Variants in SMOC1 observed in about 807,000 individuals in gnomAD.
SMOC1 encodes the protein SPARC-related modular calcium-binding protein 1.
A neutral mutation model predicts 56.3 loss-of-function variants in SMOC1; 22 were observed. The observed-to-expected ratio is 0.39, with a 90% CI of 0.28 to 0.56. SMOC1 has a LOEUF of 0.56. Among genes scored for constraint, SMOC1 ranks in the 20% least tolerant of loss-of-function variants. The pLI, the probability that SMOC1 is intolerant of heterozygous loss-of-function variation, is 0.61. For synonymous variants in SMOC1, 193 were observed against 215.0 expected (o/e 0.90, Z 0.89); for missense variants, 509 against 565.4 (o/e 0.90, Z 1.01).
intron 7 of SMOC1, among the ~76,000 whole-genome samples, chr14:69,995,969 C>A (rs531095417): frequency 6.6e-5 from 10 of 152,104 alleles, no homozygotes; most frequent in Admixed American, 1.3e-4. Context: ...TACCTGGTGC[C>A]GGAAGTAACA....
intron 3 of SMOC1, among the ~76,000 whole-genome samples, chr14:69,965,834 G>A (rs777649910): frequency 6.6e-6 from 1 of 152,238 alleles, no homozygotes; most frequent in Non-Finnish European, 1.5e-5. Flanking sequence ...CTTTCAGGCA[G>A]AGCCATTAAG....
intron 3 of SMOC1, among the ~76,000 whole-genome samples, chr14:69,959,576 C>T (rs990943105): frequency 6.6e-6 from 1 of 152,138 alleles, no homozygotes; most frequent in Non-Finnish European, 1.5e-5. Context: ...GTTGTATGGG[C>T]ACTACCACTT....
chr14:70,011,375 C>T, intron 8 of SMOC1, 110 bp from the exon 9 acceptor site: 2 of 1,047,314 alleles, frequency 1.9e-6, no homozygotes, highest in Non-Finnish European at 3.0e-6. Context: ...TTCTGCCCAC[C>T]CTCAGTGCTT....
At chr14:69,974,667 T>G (rs1453628203) in intron 3 of SMOC1, among the ~76,000 whole-genome samples, 1 of 150,636 alleles carries the variant, frequency 6.6e-6, no homozygotes, top group Non-Finnish European at 1.5e-5. Flanking sequence ...AGCAGGATAG[T>G]GGGGTGGGGC....
At chr14:69,887,819 A>G (rs767220481) in intron 1 of SMOC1, among the ~76,000 whole-genome samples, 2 of 152,184 alleles carry the variant, frequency 1.3e-5, no homozygotes, top group Admixed American at 1.3e-4. Context: ...GGAAGTGTTC[A>G]TGAGCTGATG....
At chr14:69,955,756 AT>A (rs1265542430) in intron 3 of SMOC1, among the ~76,000 whole-genome samples, 1 of 152,156 alleles carries the variant, frequency 6.6e-6, no homozygotes. Flanking sequence ...TCTTCCATCA[AT>A]TTTTTAAAAA....
At chr14:69,946,239 T>C (rs770235364) in intron 1 of SMOC1, among the ~76,000 whole-genome samples, 22 of 152,194 alleles carry the variant, frequency 1.4e-4, no homozygotes, top group Admixed American at 2.0e-4. Context: ...TAGTCTAAAA[T>C]TGATTTCATC....
Position 70,032,289 on chromosome 14 carries a change from T to C in SMOC1, c.*2031T>C, listed in dbSNP as rs185808601. 1 of 152,402 alleles carries C rather than the reference T, an allele frequency of 6.6e-6. No homozygotes were observed. Among genetic ancestry groups the C allele is most frequent in the East Asian group, 1.9e-4 (1 of 5,180 alleles). The allele number at this position is 152,402 out of a possible 1,614,324, so 9.4% of individuals were successfully genotyped here. A position where few individuals can be genotyped will look rare whatever the true frequency, so the allele number is the denominator to read the frequency against. ...AGGATCGTGTGTGTAGGTGGTGTTGTGTGGTTTTCCTTTGTGAAGGAGAGA... is the reference window on the plus strand; with the variant it reads ...AGGATCGTGTGTGTAGGTGGTGTTGCGTGGTTTTCCTTTGTGAAGGAGAGA... On this transcript the variant is annotated 3_prime_UTR_variant, in exon 12 of 12. Transcript: ENST00000361956.
At chr14:69,998,087 C>T (rs573436919) in intron 7 of SMOC1, among the ~76,000 whole-genome samples, 1 of 152,334 alleles carries the variant, frequency 6.6e-6, no homozygotes, top group Admixed American at 6.5e-5. Flanking sequence ...TAACATGACA[C>T]ATATGCCTAC....
intron 1 of SMOC1, among the ~76,000 whole-genome samples, chr14:69,881,474 G>A (rs1033301981): frequency 2.6e-5 from 4 of 152,050 alleles, no homozygotes; most frequent in African/African-American, 9.7e-5. Flanking sequence ...CAACCTTTAG[G>A]GGAAAGCTAG....
At chr14:69,894,589 A>G (rs2139310266) in intron 1 of SMOC1, among the ~76,000 whole-genome samples, 2 of 152,316 alleles carry the variant, frequency 1.3e-5, no homozygotes, top group Middle Eastern at 6.8e-3. Context: ...TGCTGGAGCA[A>G]CAACCACAGG....
intron 1 of SMOC1, among the ~76,000 whole-genome samples, chr14:69,896,073 G>A (rs1409013954): frequency 6.6e-6 from 1 of 151,990 alleles, no homozygotes; most frequent in East Asian, 1.9e-4. Flanking sequence ...TGAACTCTTG[G>A]GCTCAAGCAG....
At chr14:69,929,046 G>T (rs1885092740) in intron 1 of SMOC1, among the ~76,000 whole-genome samples, 1 of 152,154 alleles carries the variant, frequency 6.6e-6, no homozygotes, top group Non-Finnish European at 1.5e-5. Context: ...TCCAGGAGCT[G>T]GGAGTCTCCC....
rs531387556 is a variant in SMOC1, at chr14:70,019,539, C to T, written c.1047-3664C>T. Among the ~76,000 whole-genome samples the T allele has an allele frequency of 1.1e-4, 16 of 152,300 alleles. No homozygotes were observed. In the South Asian group the frequency reaches 3.3e-3, roughly 32 times the overall value. On this transcript the variant is annotated intron_variant, in intron 10 of 11. Transcript: ENST00000361956. Reference sequence around the variant, plus strand: ...GCCTGATGACCAGCTTTGAATTCGGCAGTCCTGACCTCCAGTGGAATATAT... The same window carrying T: ...GCCTGATGACCAGCTTTGAATTCGGTAGTCCTGACCTCCAGTGGAATATAT...
At chr14:69,997,341 T>A (rs1010179869) in intron 7 of SMOC1, among the ~76,000 whole-genome samples, 3 of 152,242 alleles carry the variant, frequency 2.0e-5, no homozygotes, top group African/African-American at 7.2e-5. Context: ...AAAAAGCATC[T>A]TGATGTTTGG....
intron 7 of SMOC1, among the ~76,000 whole-genome samples, chr14:70,005,400 A>AC (rs1885116007): frequency 1.3e-5 from 2 of 151,418 alleles, no homozygotes; most frequent in South Asian, 4.3e-4. Flanking sequence ...ATGTGAAAGA[A>AC]CCCGTGCCCT....
intron 5 of SMOC1, among the ~76,000 whole-genome samples, chr14:69,978,690 G>A (rs1884065199): frequency 6.6e-6 from 1 of 152,172 alleles, no homozygotes; most frequent in Non-Finnish European, 1.5e-5. Context: ...CCGTGACAAG[G>A]TAAGAGAGAG....
chr14:69,881,671 T>C (rs898448308), intron 1 of SMOC1, among the ~76,000 whole-genome samples: 1 of 151,656 alleles, frequency 6.6e-6, no homozygotes, highest in African/African-American at 2.4e-5. Context: ...AATACATACA[T>C]GCACAAACAC....
chr14:69,940,423 A>G (rs1882507431), intron 1 of SMOC1, among the ~76,000 whole-genome samples: 1 of 152,230 alleles, frequency 6.6e-6, no homozygotes, highest in Admixed American at 6.5e-5. Context: ...ATGAAAACTT[A>G]GAGCATATTG....
Sources: gnomAD v4.1 joint callset for allele counts (sites outside exome capture counted in the v4.1 genomes callset) on GRCh38, gnomAD v4.1.1 for gene constraint, MANE v1.5 for transcripts, NCBI Gene and HGNC (gene_info 2026-07-23, HGNC 2026-07-21) for gene names.